Variants in GALNT9 observed in about 807,000 individuals in gnomAD.
The protein encoded by GALNT9 is GalNAc transferase 9.
GALNT9 carries 47 observed loss-of-function variants against 63.1 expected under a neutral mutation model. That is an observed-to-expected ratio of 0.75 (90% confidence interval 0.59 to 0.95). GALNT9 has a LOEUF of 0.95. Ranked by LOEUF, GALNT9 falls within the 40% of genes least tolerant of loss-of-function variation. The pLI is 0.00. For missense variants in GALNT9, 829 were observed against 874.8 expected (o/e 0.95, Z 0.66); for synonymous variants, 396 against 365.7 (o/e 1.08, Z -0.94).
intron 1 of GALNT9, among the ~76,000 whole-genome samples, chr12:132,320,977 G>A (rs1555246078): frequency 6.6e-6 from 1 of 152,202 alleles, no homozygotes; most frequent in Non-Finnish European, 1.5e-5. Flanking sequence ...TTGAACCCAG[G>A]CGGTCGACGC....
Position 132,257,730 on chromosome 12 carries a change from C to CG in GALNT9, c.917dup (p.Gln307AlafsTer84). ...CGTCGCCGCGGTCCAGCCAGTCCTGCGGGGGGATGATGTACATGCACCAGA... is the reference window on the plus strand; with the variant it reads ...CGTCGCCGCGGTCCAGCCAGTCCTGCGGGGGGGATGATGTACATGCACCAGA... On this transcript the variant is annotated frameshift_variant, in exon 5 of 11. Coordinates refer to ENST00000328957, the MANE Select transcript of GALNT9 (RefSeq NM_001122636.2). LOFTEE classifies it high-confidence loss of function. The CG allele has an allele frequency of 1.3e-6, 2 of 1,550,236 alleles. No homozygotes were observed. The highest frequency in any genetic ancestry group is 8.7e-7 in the Non-Finnish European group (1 of 1,146,764).
At chr12:132,299,425 T>C (rs1881208150) in intron 1 of GALNT9, among the ~76,000 whole-genome samples, 1 of 101,346 alleles carries the variant, frequency 9.9e-6, no homozygotes, top group Admixed American at 1.1e-4. Context: ...CTGAGATAAC[T>C]CACTCCCATA....
At chr12:132,213,446 G>A (rs1050980170) in intron 6 of GALNT9, among the ~76,000 whole-genome samples, 5 of 151,290 alleles carry the variant, frequency 3.3e-5, no homozygotes, top group East Asian at 1.9e-4. Flanking sequence ...GCATACACAT[G>A]CACTGTTACC....
chr12:132,327,145 A>T lies in GALNT9; in HGVS notation c.238+1821T>A, dbSNP rs1410747975. ...GCAGGGGCCGTTCGGAGAAAGGCTGACAAGGGAGGACAGCTAGGATGAAGG... is the reference window on the plus strand; with the variant it reads ...GCAGGGGCCGTTCGGAGAAAGGCTGTCAAGGGAGGACAGCTAGGATGAAGG... On this transcript the variant is annotated intron_variant, in intron 1 of 10. Coordinates refer to ENST00000328957, the MANE Select transcript of GALNT9 (RefSeq NM_001122636.2). The surrounding 1 kb of genome is among the most constrained non-coding windows in gnomAD (Gnocchi z 4.3). Among the ~76,000 whole-genome samples the T allele has an allele frequency of 7.2e-5, 11 of 152,196 alleles. No individual in the cohort carries two copies. The highest frequency in any genetic ancestry group is 2.7e-4 in the African/African-American group (11 of 41,460).
intron 6 of GALNT9, among the ~76,000 whole-genome samples, chr12:132,219,181 T>C (rs1373715957): frequency 6.6e-6 from 1 of 152,130 alleles, no homozygotes; most frequent in East Asian, 1.9e-4. Context: ...TTTCTGTGAT[T>C]GCTTCTGTCC....
At chr12:132,206,987 C>T (rs1241035436) in intron 6 of GALNT9, among the ~76,000 whole-genome samples, 1 of 152,182 alleles carries the variant, frequency 6.6e-6, no homozygotes, top group Non-Finnish European at 1.5e-5. Context: ...ATCACCTGAG[C>T]CCGGGAGGTT....
Position 132,236,459 on chromosome 12 carries a change from G to A in GALNT9, c.1077+11451C>T, listed in dbSNP as rs2136894782. Among the ~76,000 whole-genome samples, 4 of 151,896 alleles carry A rather than the reference G, an allele frequency of 2.6e-5. No individual in the cohort carries two copies. Among genetic ancestry groups the A allele is most frequent in the Non-Finnish European group, 4.4e-5 (3 of 67,962 alleles). On this transcript the variant is annotated intron_variant, in intron 6 of 10. Transcript: ENST00000328957. The surrounding 1 kb of genome is among the most constrained non-coding windows in gnomAD (Gnocchi z 5.6). ...GAGGCCCCATAGCACCTGTCATCAC[G>A]GCTGCCAGGGAGTCAGCTCTGCAAA...
In GALNT9 at chr12:132,248,024, G is replaced by A; in HGVS notation, c.963C>T (p.Thr321=). The A allele has an allele frequency of 1.3e-6, 2 of 1,549,420 alleles. No homozygotes were observed. The highest frequency in any genetic ancestry group is 2.4e-5 in the South Asian group (2 of 83,924). ...CGAAGGAGCAGCCGATCATGGCTGGGGTCCTGGGAGGCAGAGACAGCGGCG... is the reference window on the plus strand; with the variant it reads ...CGAAGGAGCAGCCGATCATGGCTGGAGTCCTGGGAGGCAGAGACAGCGGCG... ...DRGDESAPIR[T]PAMIGCSFVV... Residue 321 remains threonine, a synonymous_variant, in exon 6 of 11, where the codon ACC becomes ACT. Transcript: ENST00000328957.
intron 1 of GALNT9, among the ~76,000 whole-genome samples, chr12:132,303,495 AGACACACCCTCGCCTG>A (rs1881405888): frequency 5.6e-5 from 2 of 35,944 alleles, no homozygotes; most frequent in Admixed American, 3.4e-4. Context: ...AGAATCGCCC[AGACACACCCTCGCCTG>A]GGCACACCCT....
At chr12:132,262,818 C>T (rs781785195) in intron 2 of GALNT9, among the ~76,000 whole-genome samples, 193 bp from the exon 3 acceptor site, 2 of 152,144 alleles carry the variant, frequency 1.3e-5, no homozygotes, top group Non-Finnish European at 2.9e-5. Flanking sequence ...CAGGGCGCAG[C>T]ATGAGGGACC....
Position 132,321,554 on chromosome 12 carries a change from C to A in GALNT9, c.238+7412G>T, listed in dbSNP as rs1555246147. ...ACAGGCTGTCCTGGCAGCCCCCTGC[C>A]CTAGCACCTCACCATCTCCCTCACT... On this transcript the variant is annotated intron_variant, in intron 1 of 10. Coordinates refer to ENST00000328957, the MANE Select transcript of GALNT9 (RefSeq NM_001122636.2). Among the ~76,000 whole-genome samples, 4 of 152,156 alleles carry A rather than the reference C, an allele frequency of 2.6e-5. No homozygotes were observed. The East Asian group carries it at 7.7e-4, about 29-fold the overall frequency.
At chr12:132,320,096 G>A (rs970254627) in intron 1 of GALNT9, among the ~76,000 whole-genome samples, 2 of 152,252 alleles carry the variant, frequency 1.3e-5, no homozygotes, top group African/African-American at 4.8e-5. Flanking sequence ...CAGGGCTGGC[G>A]AGCCTCAAGC....
intron 2 of GALNT9, among the ~76,000 whole-genome samples, chr12:132,281,857 CA>C: frequency 6.7e-6 from 1 of 150,242 alleles, no homozygotes; most frequent in African/African-American, 2.5e-5. Context: ...CTGGGGGTCC[CA>C]CATCCCACAG....
intron 1 of GALNT9, among the ~76,000 whole-genome samples, chr12:132,308,500 G>A (rs544715328): frequency 3.9e-5 from 6 of 152,280 alleles, no homozygotes; most frequent in East Asian, 1.9e-4. Flanking sequence ...TGCACCTACC[G>A]GGTTCCCAGA....
At chr12:132,299,235 C>T (rs1485054014) in intron 1 of GALNT9, among the ~76,000 whole-genome samples, 2 of 143,578 alleles carry the variant, frequency 1.4e-5, no homozygotes, top group African/African-American at 2.6e-5. Flanking sequence ...TCCCACCACA[C>T]CTAACCATAC....
At chr12:132,268,013 A>T (rs528694782) in intron 2 of GALNT9, among the ~76,000 whole-genome samples, 1 of 151,672 alleles carries the variant, frequency 6.6e-6, no homozygotes, top group East Asian at 1.9e-4. Flanking sequence ...ACAGGCAGAT[A>T]CACACGAACA....
rs782769375 is a variant in GALNT9, at chr12:132,327,297, G to C, written c.238+1669C>G. Among the ~76,000 whole-genome samples, 2 of 151,802 alleles carry C rather than the reference G, an allele frequency of 1.3e-5. No individual in the cohort carries two copies. Among genetic ancestry groups the C allele is most frequent in the Admixed American group, 1.3e-4 (2 of 15,258 alleles). On this transcript the variant is annotated intron_variant, in intron 1 of 10. Transcript: ENST00000328957. The surrounding 1 kb of genome is among the most constrained non-coding windows in gnomAD (Gnocchi z 4.3). ...AAGGCAGTGGGGGCGGTGGGCGGTG[G>C]GGGGAGACACACTTTCCCGGAATGC... is the stretch of plus-strand genomic sequence containing the variant.
chr12:132,221,246 G>A (rs1001461952), intron 6 of GALNT9, among the ~76,000 whole-genome samples: 2 of 142,496 alleles, frequency 1.4e-5, no homozygotes, highest in Non-Finnish European at 3.0e-5. Context: ...CCAGGTACTC[G>A]GGAGGCTGAG....
At chr12:132,262,693 C>T in intron 2 of GALNT9, 68 bp from the exon 3 acceptor site, 1 of 1,440,582 alleles carries the variant, frequency 6.9e-7, no homozygotes, top group African/African-American at 1.4e-5. Context: ...CATAGCTCAT[C>T]TGTCTGCACC....
Sources: allele counts gnomAD v4.1 joint callset (sites outside exome capture counted in the v4.1 genomes callset), GRCh38; gene constraint gnomAD v4.1.1; non-coding constraint Gnocchi (gnomAD v3.1); transcripts MANE v1.5; gene names NCBI Gene and HGNC (gene_info 2026-07-23, HGNC 2026-07-21).